SLCO4C1: variants seen among roughly 807,000 people sequenced by gnomAD.
The protein encoded by SLCO4C1 is solute carrier organic anion transporter family member 4C1, also known as organic anion transporter M1.
Under a neutral mutation model 72.1 loss-of-function variants are expected in SLCO4C1, and 58 were observed. The ratio of observed to expected loss-of-function variants is 0.80; its 90% confidence interval spans 0.65 to 1.00. The LOEUF is 1.00. Among genes scored for constraint, SLCO4C1 ranks in the 50% least tolerant of loss-of-function variants. The probability of loss-of-function intolerance (pLI) is 0.00; values close to 1 mark genes in which losing one functional copy is unlikely to be tolerated. For missense variants in SLCO4C1, 898 were observed against 857.9 expected (o/e 1.05, Z -0.58); for synonymous variants, 297 against 312.5 (o/e 0.95, Z 0.52).
intron 3 of SLCO4C1, among the ~76,000 whole-genome samples, chr5:102,268,227 T>G (rs1749079566): frequency 6.6e-6 from 1 of 152,162 alleles, no homozygotes; most frequent in South Asian, 2.1e-4. Context: ...TCCATTTCTT[T>G]AACTCTAATA....
intron 2 of SLCO4C1, among the ~76,000 whole-genome samples, chr5:102,279,755 G>C (rs1749318429): frequency 6.6e-6 from 1 of 151,856 alleles, no homozygotes; most frequent in African/African-American, 2.4e-5. Flanking sequence ...GGGATGCAAG[G>C]CTGGCATCAA....
At chr5:102,247,493 T>C (rs1174979351) in intron 9 of SLCO4C1, 51 bp from the exon 10 acceptor site, 1 of 1,244,408 alleles carries the variant, frequency 8.0e-7, no homozygotes, top group East Asian at 2.4e-5. Context: ...AGAAAATAAA[T>C]TATTGTAAAT....
rs1748435015 is a variant in SLCO4C1, at chr5:102,236,550, A to T, written c.*308T>A. 1 of 181,708 alleles carries T rather than the reference A, an allele frequency of 5.5e-6. No individual in the cohort carries two copies. Among genetic ancestry groups the T allele is most frequent in the South Asian group, 1.7e-4 (1 of 5,952 alleles). 11.3% of individuals were successfully genotyped at this position (181,708 alleles called of 1,614,324 possible). ...TTGCTTGAGGATTTCATACCTAGAC[A>T]ATGGGAATAGGAAATAAGTGTGTAT... On this transcript the variant is annotated 3_prime_UTR_variant, in exon 13 of 13. Transcript: ENST00000310954.
intron 3 of SLCO4C1, among the ~76,000 whole-genome samples, chr5:102,266,360 G>C (rs1178440709): frequency 6.6e-6 from 1 of 152,094 alleles, no homozygotes; most frequent in African/African-American, 2.4e-5. Flanking sequence ...TGATGAAAGT[G>C]GGCCTTCAGC....
At position 102,263,819 on chromosome 5, in the gene SLCO4C1, A is replaced by G. The variant is rs1287712495; in HGVS notation, c.803-39T>C. 2.0e-6 allele frequency: 3 copies of G among 1,477,970 alleles called. No homozygotes were observed. In the Admixed American group the frequency reaches 5.4e-5, roughly 27 times the overall value. 91.6% of individuals were successfully genotyped at this position (1,477,970 alleles called of 1,614,324 possible). A position where few individuals can be genotyped will look rare whatever the true frequency, so the allele number is the denominator to read the frequency against. The stretch of plus-strand genomic sequence containing the variant: ...AGAGACATTGAATACAGTCATATGT[A>G]CAACTTCACTTTGCATATCTAACAG... On this transcript the variant is annotated intron_variant, in intron 3 of 12. Transcript: ENST00000310954.
In SLCO4C1 at chr5:102,247,281, G is replaced by A. The variant is rs759017802; in HGVS notation, c.1782C>T (p.Ala594=). Residue 594 remains alanine, a synonymous_variant, in exon 10 of 13, where the codon GCC becomes GCT. Transcript: ENST00000310954. ...GGATAGACACAGTTATAGGAGTACCGGCCATAAAGGTAAAAATAATTACAA... is the reference window on the plus strand; with the variant it reads ...GGATAGACACAGTTATAGGAGTACCAGCCATAAAGGTAAAAATAATTACAA... The part of the protein sequence containing the change: ...FFIVIIFTFM[A]GTPITVSILR... 11 of 1,572,044 alleles carry A rather than the reference G, an allele frequency of 7.0e-6. No homozygotes were observed. The highest frequency in any genetic ancestry group is 1.7e-4 in the Middle Eastern group (1 of 5,890).
At chr5:102,245,435 A>T (rs1748619332) in intron 10 of SLCO4C1, among the ~76,000 whole-genome samples, 1 of 152,180 alleles carries the variant, frequency 6.6e-6, no homozygotes, top group African/African-American at 2.4e-5. Context: ...AAGCTATAAG[A>T]AGAGACAAAG....
intron 2 of SLCO4C1, among the ~76,000 whole-genome samples, chr5:102,276,907 G>A (rs1749256528): frequency 2.0e-5 from 3 of 152,118 alleles, no homozygotes; most frequent in African/African-American, 7.2e-5. Context: ...ACAAGGCAGG[G>A]TGTAAGAATT....
At chr5:102,271,398 T>A (rs1021035634) in intron 2 of SLCO4C1, among the ~76,000 whole-genome samples, 8 of 151,362 alleles carry the variant, frequency 5.3e-5, no homozygotes, top group African/African-American at 1.7e-4. Context: ...ATGTACATAT[T>A]TTTTTAAGTT....
chr5:102,262,294 A>T (rs1050733520), intron 4 of SLCO4C1, among the ~76,000 whole-genome samples: 4 of 152,202 alleles, frequency 2.6e-5, no homozygotes, highest in African/African-American at 9.6e-5. Context: ...AATATGACAA[A>T]TATTTGAAAA....
At chr5:102,279,369 A>T (rs990318392) in intron 2 of SLCO4C1, among the ~76,000 whole-genome samples, 1 of 152,034 alleles carries the variant, frequency 6.6e-6, no homozygotes, top group African/African-American at 2.4e-5. Flanking sequence ...TTACTCTTGC[A>T]CCAACCTAAT....
At chr5:102,275,302 G>C (rs1009826085) in intron 2 of SLCO4C1, among the ~76,000 whole-genome samples, 16 of 152,012 alleles carry the variant, frequency 1.1e-4, no homozygotes, top group Non-Finnish European at 2.2e-4. Flanking sequence ...AATGAGGAAA[G>C]TGAGCAAAAT....
chr5:102,271,098 G>A (rs1168409485), intron 2 of SLCO4C1, among the ~76,000 whole-genome samples: 1 of 151,884 alleles, frequency 6.6e-6, no homozygotes, highest in East Asian at 1.9e-4. Context: ...ACATTTACGT[G>A]TTGTATACCC....
At chr5:102,276,785 C>A (rs1192703053) in intron 2 of SLCO4C1, among the ~76,000 whole-genome samples, 1 of 152,088 alleles carries the variant, frequency 6.6e-6, no homozygotes, top group Non-Finnish European at 1.5e-5. Flanking sequence ...TGAATATTTA[C>A]TATGAAGAGA....
chr5:102,280,275 T>C (rs1003949202), intron 2 of SLCO4C1, among the ~76,000 whole-genome samples: 2 of 151,404 alleles, frequency 1.3e-5, no homozygotes. Flanking sequence ...CAATAAAACA[T>C]ACAAAAATCT....
intron 10 of SLCO4C1, among the ~76,000 whole-genome samples, chr5:102,244,492 A>T (rs1251561502): frequency 1.3e-5 from 2 of 152,182 alleles, no homozygotes; most frequent in Non-Finnish European, 2.9e-5. Flanking sequence ...ATAATAACAG[A>T]GAACTTCCCA....
In SLCO4C1 at chr5:102,240,731, G is replaced by A. The variant is rs779450721; in HGVS notation, c.1863C>T (p.Val621=). The change falls in exon 11 of 13, where the codon GTC becomes GTT. Residue 621 remains valine, a synonymous_variant. Coordinates refer to ENST00000310954, the MANE Select transcript of SLCO4C1 (RefSeq NM_180991.5). ...AAAATGGCATACCTAATAATCGAAG[G>A]ACCATAAATTGTATTCCCAAGGCTA... ...RSLALGIQFM[V]LRLLGTIPGP... is the part of the protein sequence containing the mutation. 6.2e-7 allele frequency: 1 copy of A among 1,610,654 alleles called. No individual in the cohort carries two copies. Among genetic ancestry groups the A allele is most frequent in the East Asian group, 2.2e-5 (1 of 44,682 alleles).
chr5:102,248,437 G>T (rs573670278), intron 9 of SLCO4C1, among the ~76,000 whole-genome samples: 140 of 152,170 alleles, frequency 9.2e-4, no homozygotes, highest in Non-Finnish European at 1.8e-3. Context: ...AATTATCTTA[G>T]CATTTGGTGA....
At chr5:102,271,249 G>C (rs1283756224) in intron 2 of SLCO4C1, among the ~76,000 whole-genome samples, 1 of 151,712 alleles carries the variant, frequency 6.6e-6, no homozygotes, top group East Asian at 1.9e-4. Context: ...TATTGTCACT[G>C]TCATAATATT....
Sources: allele counts gnomAD v4.1 joint callset (sites outside exome capture counted in the v4.1 genomes callset), GRCh38; gene constraint gnomAD v4.1.1; transcripts MANE v1.5; gene names NCBI Gene and HGNC (gene_info 2026-07-23, HGNC 2026-07-21).